MTRR: variants seen among roughly 807,000 people sequenced by gnomAD.
The protein encoded by MTRR is methionine synthase reductase.
MTRR carries 63 observed loss-of-function variants against 79.2 expected under a neutral mutation model. The observed-to-expected ratio is 0.80, with a 90% confidence interval of 0.65 to 0.98. The LOEUF (loss-of-function observed/expected upper bound fraction) is 0.98, where lower values mean the gene tolerates loss of function less well. MTRR is among the 50% of genes least tolerant of loss of function. The pLI is 0.00. For missense variants in MTRR, 895 were observed against 839.6 expected (o/e 1.07, Z -0.82); for synonymous variants, 355 against 313.3 (o/e 1.13, Z -1.41).
upstream of MTRR, chr5:7,868,983 C>T (rs758943297): frequency 7.1e-5 from 63 of 881,448 alleles, no homozygotes; most frequent in African/African-American, 9.9e-5. Context: ...ACCTACCGCG[C>T]TCTGCCGGGC....
chr5:7,861,368 G>A (rs1036285142), intron 1 of MTRR: 3 of 621,526 alleles, frequency 4.8e-6, no homozygotes, highest in Non-Finnish European at 7.7e-6. Context: ...CTATTACTAT[G>A]TGCCAATATT....
intron 1 of MTRR, chr5:7,870,564 TAG>T (rs1747784537): frequency 3.5e-6 from 2 of 570,248 alleles, no homozygotes; most frequent in Non-Finnish European, 6.2e-6. Context: ...GCCATGGAAT[TAG>T]AGTTTCATTC....
upstream of MTRR, chr5:7,865,866 G>T: frequency 1.3e-6 from 2 of 1,524,412 alleles, no homozygotes; most frequent in Non-Finnish European, 9.1e-7. Flanking sequence ...CACCCATGGG[G>T]AAATAAAGCC....
chr5:7,883,908 G>A (rs796580766), intron 6 of MTRR, among the ~76,000 whole-genome samples: 40 of 152,328 alleles, frequency 2.6e-4, no homozygotes, highest in African/African-American at 8.9e-4. Flanking sequence ...AAACGAGGTG[G>A]CTCTCGCCTA....
At chr5:7,883,828 A>G (rs1207664683) in intron 6 of MTRR, among the ~76,000 whole-genome samples, 1 of 152,202 alleles carries the variant, frequency 6.6e-6, no homozygotes, top group African/African-American at 2.4e-5. Context: ...AGCATTTTAT[A>G]TATAAGAGGC....
intron 14 of MTRR, among the ~76,000 whole-genome samples, chr5:7,898,018 G>A (rs1224738595): frequency 3.3e-5 from 5 of 151,820 alleles, no homozygotes; most frequent in East Asian, 3.9e-4. Flanking sequence ...ACAAAGCAAC[G>A]TTTTCTGTTT....
intron 2 of MTRR, among the ~76,000 whole-genome samples, chr5:7,873,170 G>A (rs192484959): frequency 6.6e-6 from 1 of 152,158 alleles, no homozygotes; most frequent in Non-Finnish European, 1.5e-5. Flanking sequence ...CAAAACAGAC[G>A]CATGGTTTCC....
At chr5:7,860,594 TAAC>T (rs1185257684) in intron 1 of MTRR, among the ~76,000 whole-genome samples, 1 of 152,220 alleles carries the variant, frequency 6.6e-6, no homozygotes, top group Non-Finnish European at 1.5e-5. Context: ...TAAGCCGAAT[TAAC>T]AACGTTGGGA....
chr5:7,873,758 A>C (rs1307330743), intron 3 of MTRR, among the ~76,000 whole-genome samples: 1 of 152,172 alleles, frequency 6.6e-6, no homozygotes, highest in Non-Finnish European at 1.5e-5. Context: ...TTAATTAAGG[A>C]TGCACCTCAG....
upstream of MTRR, chr5:7,866,739 A>G (rs774955689): frequency 4.3e-6 from 7 of 1,614,056 alleles, no homozygotes; most frequent in East Asian, 1.6e-4. Flanking sequence ...AGAAGTTTCA[A>G]TAATGATTTG....
At chr5:7,862,994 G>C in intron 2 of MTRR, 2 of 1,612,048 alleles carry the variant, frequency 1.2e-6, no homozygotes, top group Middle Eastern at 1.6e-4. Context: ...AGGAGTTTTG[G>C]ACCCTAAAAA....
intron 3 of MTRR, among the ~76,000 whole-genome samples, chr5:7,874,331 C>A (rs1018736046): frequency 6.6e-6 from 1 of 151,926 alleles, no homozygotes; most frequent in African/African-American, 2.4e-5. Context: ...AGATTGTAAC[C>A]CTGGCAATGA....
upstream of MTRR, chr5:7,866,546 G>A (rs1353121126): frequency 2.2e-6 from 2 of 900,568 alleles, no homozygotes; most frequent in Non-Finnish European, 1.7e-6. Context: ...CACTATGGAA[G>A]AAAAACTAAA....
At chr5:7,867,225 T>C (rs778634747), upstream of MTRR, 61 of 1,613,992 alleles carry the variant, frequency 3.8e-5, no homozygotes, top group Middle Eastern at 1.6e-4. Context: ...TTGGAAACTA[T>C]TGATAGGGAA....
chr5:7,889,328 G>A (rs895460281), intron 9 of MTRR, 53 bp downstream of exon 9: 33 of 1,603,822 alleles, frequency 2.1e-5, no homozygotes, highest in African/African-American at 2.7e-5. Flanking sequence ...ACTGGTAGGC[G>A]GGCCACCTTT....
At chr5:7,882,582 A>AT (rs2126724032) in intron 5 of MTRR, among the ~76,000 whole-genome samples, 2 of 152,280 alleles carry the variant, frequency 1.3e-5, no homozygotes, top group East Asian at 1.9e-4. Flanking sequence ...AAGAACTGGG[A>AT]TTTTTTGCAG....
chr5:7,900,209 A>G lies in MTRR; in HGVS notation c.*151A>G, dbSNP rs112465197. ...AGTGGAGATTGGATCATTTAACAAT[A>G]TAACAAAACTTCCTGATTTGATTTT... On this transcript the variant is annotated 3_prime_UTR_variant, in exon 15 of 15. Coordinates refer to ENST00000440940, the MANE Select transcript of MTRR (RefSeq NM_002454.3). The G allele has an allele frequency of 0.019, 16,498 of 856,372 alleles. 200 individuals are homozygous for G. Among genetic ancestry groups the G allele is most frequent in the Non-Finnish European group, 0.025 (13,816 of 559,540 alleles). The allele number at this position is 856,372 out of a possible 1,614,324, so 53.0% of individuals were successfully genotyped here.
At chr5:7,887,288 T>A (rs1425760928) in intron 8 of MTRR, among the ~76,000 whole-genome samples, 5 of 148,230 alleles carry the variant, frequency 3.4e-5, no homozygotes, top group African/African-American at 1.2e-4. Context: ...GTCAGTATTG[T>A]ACCAGGAACT....
chr5:7,892,588 T>G, intron 10 of MTRR, 139 bp from the exon 11 acceptor site: 1 of 921,808 alleles, frequency 1.1e-6, no homozygotes, highest in Non-Finnish European at 1.7e-6. Context: ...TACGTAATAA[T>G]GGCTTTCCTC....
Sources: allele counts gnomAD v4.1 joint callset (sites outside exome capture counted in the v4.1 genomes callset), GRCh38; gene constraint gnomAD v4.1.1; transcripts MANE v1.5; gene names NCBI Gene and HGNC (gene_info 2026-07-23, HGNC 2026-07-21).